The following ITPR2 variants were observed in gnomAD, a reference collection of about 807,000 sequenced individuals.
ITPR2 encodes the protein inositol 1,4,5-trisphosphate-gated calcium channel ITPR2.
Under a neutral mutation model 317.1 loss-of-function variants are expected in ITPR2, and 207 were observed. The observed-to-expected ratio is 0.65, with a 90% CI of 0.58 to 0.73. The LOEUF (loss-of-function observed/expected upper bound fraction) is 0.73. Among genes scored for constraint, ITPR2 ranks in the 30% least tolerant of loss-of-function variants. The pLI is 0.00. For synonymous variants in ITPR2, 1,156 were observed against 1,149.1 expected, an observed-to-expected ratio of 1.01 and a Z score of -0.12; for missense variants, 2,613 against 3,284.0, an observed-to-expected ratio of 0.80 and a Z score of 4.99.
At chr12:26,717,985 C>T (rs1363222456) in intron 5 of ITPR2, among the ~76,000 whole-genome samples, 1 of 152,204 alleles carries the variant, frequency 6.6e-6, no homozygotes, top group Admixed American at 6.5e-5. Flanking sequence ...AGTCATCATC[C>T]ATACTCTAAA....
chr12:26,787,725 G>GT (rs1950279277), intron 2 of ITPR2, among the ~76,000 whole-genome samples: 3 of 152,154 alleles, frequency 2.0e-5, no homozygotes, highest in Admixed American at 1.3e-4. Context: ...CCCAGAAAAA[G>GT]TTTGAGTGTC....
intron 22 of ITPR2, among the ~76,000 whole-genome samples, chr12:26,629,877 G>A (rs1946709291): frequency 6.6e-6 from 1 of 152,192 alleles, no homozygotes; most frequent in South Asian, 2.1e-4. Context: ...AAGGCATTGA[G>A]GAAGGCACTA....
At chr12:26,404,685 T>C (rs1272803695) in intron 52 of ITPR2, among the ~76,000 whole-genome samples, 1 of 152,030 alleles carries the variant, frequency 6.6e-6, no homozygotes, top group Non-Finnish European at 1.5e-5. Flanking sequence ...TTTCAGGGAA[T>C]AAGAAAACCC....
At chr12:26,452,163 CCAA>C (rs1941756680) in intron 45 of ITPR2, among the ~76,000 whole-genome samples, 1 of 152,122 alleles carries the variant, frequency 6.6e-6, no homozygotes, top group Admixed American at 6.6e-5. Context: ...TTCAATCCTG[CCAA>C]CATTTGTAAA....
At chr12:26,378,340 A>C (rs1272305892) in intron 55 of ITPR2, among the ~76,000 whole-genome samples, 1 of 152,028 alleles carries the variant, frequency 6.6e-6, no homozygotes, top group East Asian at 1.9e-4. Context: ...AGCAGAAGGC[A>C]CACGTGGGCC....
chr12:26,340,065 C>A lies in ITPR2; in HGVS notation c.8019+102G>T, dbSNP rs1234183350. ...GGTTTCTTTCTCGGAGTTTGCAATTCTCTGTGGATAATGACCTGGCTCCCT... is the reference window on the plus strand; with the variant it reads ...GGTTTCTTTCTCGGAGTTTGCAATTATCTGTGGATAATGACCTGGCTCCCT... On this transcript the variant is annotated intron_variant, in intron 56 of 56. Transcript: ENST00000381340. 3 of 1,171,874 alleles carry A rather than the reference C, an allele frequency of 2.6e-6. No individual in the cohort carries two copies. The African/African-American group carries it at 4.7e-5, about 18-fold the overall frequency. The allele number at this position is 1,171,874 out of a possible 1,614,324, so 72.6% of individuals were successfully genotyped here. A position where few individuals can be genotyped will look rare whatever the true frequency, so the allele number is the denominator to read the frequency against.
At chr12:26,593,247 T>C (rs1222100428) in intron 32 of ITPR2, among the ~76,000 whole-genome samples, 1 of 152,240 alleles carries the variant, frequency 6.6e-6, no homozygotes, top group African/African-American at 2.4e-5. Flanking sequence ...CTTTCATTTA[T>C]GGAAATTAGA....
intron 54 of ITPR2, among the ~76,000 whole-genome samples, chr12:26,398,455 C>T (rs1390737902): frequency 6.6e-6 from 1 of 152,098 alleles, no homozygotes; most frequent in Non-Finnish European, 1.5e-5. Flanking sequence ...AGAGAAGGCT[C>T]AGTTCAGAAT....
At chr12:26,590,041 T>A (rs1945660811) in intron 32 of ITPR2, among the ~76,000 whole-genome samples, 1 of 151,300 alleles carries the variant, frequency 6.6e-6, no homozygotes. Context: ...AGAAACTATA[T>A]CAGAAGAGGA....
chr12:26,536,245 C>T (rs1269681947), intron 37 of ITPR2, among the ~76,000 whole-genome samples: 2 of 152,132 alleles, frequency 1.3e-5, no homozygotes, highest in Admixed American at 6.5e-5. Context: ...AAGATTTTCC[C>T]GAAGAACTCA....
At chr12:26,375,369 A>G (rs1051159675) in intron 55 of ITPR2, among the ~76,000 whole-genome samples, 2 of 152,222 alleles carry the variant, frequency 1.3e-5, no homozygotes, top group African/African-American at 4.8e-5. Flanking sequence ...TATACTGAAC[A>G]TGTCCAAGTT....
At chr12:26,724,530 C>T in intron 4 of ITPR2, 126 bp downstream of exon 4, 1 of 676,690 alleles carries the variant, frequency 1.5e-6, no homozygotes, top group African/African-American at 1.8e-5. Flanking sequence ...TACGTCACAA[C>T]ATCGATAATT....
In ITPR2 at chr12:26,608,799, A is replaced by G. The variant is rs1191103225; in HGVS notation, c.3463-6093T>C. Among the ~76,000 whole-genome samples, 15 of 128,418 alleles carry G rather than the reference A, an allele frequency of 1.2e-4. No individual in the cohort carries two copies. In the South Asian group the frequency reaches 3.2e-3, roughly 28 times the overall value. 84.2% of individuals were successfully genotyped at this position (128,418 alleles called of 152,430 possible). A position where few individuals can be genotyped will look rare whatever the true frequency, so the allele number is the denominator to read the frequency against. ...TTACTTTTAAATTAAAAAAAAAAAA[A>G]AAAAACACATCAGGAACCTATTATC... On this transcript the variant is annotated intron_variant, in intron 26 of 56. Coordinates refer to ENST00000381340, the MANE Select transcript of ITPR2 (RefSeq NM_002223.4).
chr12:26,533,125 A>G (rs1052859087), intron 37 of ITPR2, among the ~76,000 whole-genome samples: 10 of 152,242 alleles, frequency 6.6e-5, no homozygotes, highest in Admixed American at 5.9e-4. Context: ...GAGTCAGCCC[A>G]AAGCTAAAAA....
chr12:26,388,601 G>A (rs1376470561), intron 54 of ITPR2, among the ~76,000 whole-genome samples: 2 of 151,242 alleles, frequency 1.3e-5, no homozygotes, highest in Non-Finnish European at 1.5e-5. Flanking sequence ...CTACAGGCAT[G>A]CACCACCATG....
intron 37 of ITPR2, among the ~76,000 whole-genome samples, chr12:26,523,720 A>T (rs929254318): frequency 2.0e-4 from 30 of 152,226 alleles, no homozygotes; most frequent in African/African-American, 2.9e-4. Flanking sequence ...TTATCAATTT[A>T]TGTGCAGCTA....
chr12:26,674,714 A>G (rs961458298), intron 13 of ITPR2, among the ~76,000 whole-genome samples: 2 of 152,266 alleles, frequency 1.3e-5, no homozygotes, highest in African/African-American at 4.8e-5. Context: ...ATTCAACTAA[A>G]GAGCTTCTGC....
intron 2 of ITPR2, among the ~76,000 whole-genome samples, chr12:26,758,773 G>A (rs1012749409): frequency 1.3e-5 from 2 of 152,146 alleles, no homozygotes; most frequent in African/African-American, 2.4e-5. Context: ...CGAGGTATAT[G>A]GATGGCAGAA....
chr12:26,368,506 G>A (rs1939087397), intron 55 of ITPR2, among the ~76,000 whole-genome samples: 1 of 152,056 alleles, frequency 6.6e-6, no homozygotes, highest in Non-Finnish European at 1.5e-5. Context: ...TTTTTTTAAA[G>A]AGACAAAATA....
Sources: allele counts gnomAD v4.1 joint callset (sites outside exome capture counted in the v4.1 genomes callset), GRCh38; gene constraint gnomAD v4.1.1; transcripts MANE v1.5; gene names NCBI Gene and HGNC (gene_info 2026-07-23, HGNC 2026-07-21).